The following DPP10 variants were observed in gnomAD, a reference collection of about 807,000 sequenced individuals.
DPP10 encodes dipeptidyl peptidase like 10.
Under a neutral mutation model 120.9 loss-of-function variants are expected in DPP10, and 33 were observed. The observed-to-expected ratio is 0.27, with a 90% CI of 0.21 to 0.37. The LOEUF (loss-of-function observed/expected upper bound fraction) is 0.37. DPP10 is among the 10% of genes least tolerant of loss of function. DPP10 has a pLI of 1.00. For synonymous variants in DPP10, 337 were observed against 326.1 expected, an observed-to-expected ratio of 1.03 and a Z score of -0.36; for missense variants, 816 against 942.8, an observed-to-expected ratio of 0.87 and a Z score of 1.76.
rs1573277835 is a variant in DPP10, at chr2:115,008,196, A to G, written c.61-301043A>G. Among the ~76,000 whole-genome samples the G allele has an allele frequency of 3.9e-5, 5 of 129,242 alleles. No homozygotes were observed. The East Asian group carries it at 9.2e-4, about 24-fold the overall frequency. 84.8% of individuals were successfully genotyped at this position (129,242 alleles called of 152,430 possible). A position where few individuals can be genotyped will look rare whatever the true frequency, so the allele number is the denominator to read the frequency against. Reference sequence around the variant, plus strand: ...CAAACTATACTACAAGGCTACAGTAACCAAAACAGCATGGTACTGGTACCA... The same window carrying G: ...CAAACTATACTACAAGGCTACAGTAGCCAAAACAGCATGGTACTGGTACCA... On this transcript the variant is annotated intron_variant, in intron 1 of 25. Coordinates refer to ENST00000410059, the MANE Select transcript of DPP10 (RefSeq NM_020868.6).
chr2:115,766,535 A>C (rs1391627285), intron 12 of DPP10, among the ~76,000 whole-genome samples: 1 of 151,906 alleles, frequency 6.6e-6, no homozygotes, highest in African/African-American at 2.4e-5. Context: ...CCAGTCTCAT[A>C]CATACATACA....
intron 5 of DPP10, among the ~76,000 whole-genome samples, chr2:115,549,238 A>C (rs1020859161): frequency 3.3e-5 from 5 of 152,154 alleles, no homozygotes; most frequent in African/African-American, 1.2e-4. Context: ...ATCAAAGTCT[A>C]TACGGTAGGC....
intron 1 of DPP10, among the ~76,000 whole-genome samples, chr2:114,538,353 A>G (rs954473643): frequency 1.3e-5 from 2 of 152,190 alleles, no homozygotes; most frequent in African/African-American, 4.8e-5. Context: ...TCAGAATGTT[A>G]GGTGGCAAGG....
chr2:114,451,084 C>A (rs1452006097), intron 1 of DPP10, among the ~76,000 whole-genome samples: 1 of 149,446 alleles, frequency 6.7e-6, no homozygotes, highest in African/African-American at 2.5e-5. Flanking sequence ...AAAGATCGGC[C>A]CTTTATTTGA....
intron 1 of DPP10, among the ~76,000 whole-genome samples, chr2:115,070,863 A>G (rs971126414): frequency 2.0e-5 from 3 of 152,176 alleles, no homozygotes; most frequent in African/African-American, 7.2e-5. Flanking sequence ...ATTTTCTCAA[A>G]TTTATTTATC....
chr2:115,623,354 G>A (rs894746331), intron 5 of DPP10, among the ~76,000 whole-genome samples: 1 of 152,182 alleles, frequency 6.6e-6, no homozygotes, highest in Admixed American at 6.5e-5. Context: ...GATGTTTAGT[G>A]AGCGATACAG....
At chr2:115,519,447 G>C (rs1253566111) in intron 4 of DPP10, among the ~76,000 whole-genome samples, 3 of 151,964 alleles carry the variant, frequency 2.0e-5, no homozygotes, top group Non-Finnish European at 2.9e-5. Context: ...CATCTATTAT[G>C]TTTACAAAAT....
At position 115,268,467 on chromosome 2, in the gene DPP10, C is replaced by G. The variant is rs575942231; in HGVS notation, c.61-40772C>G. Among the ~76,000 whole-genome samples the G allele has an allele frequency of 5.3e-5, 8 of 152,208 alleles. No individual in the cohort carries two copies. In the South Asian group the frequency reaches 1.7e-3, roughly 32 times the overall value. On this transcript the variant is annotated intron_variant, in intron 1 of 25. Coordinates refer to ENST00000410059, the MANE Select transcript of DPP10 (RefSeq NM_020868.6). ...GAGAAAGAAACCATCATGCGACTTC[C>G]TAAAATACGATGCATTATTTCTTTC...
At chr2:115,433,836 G>A (rs2071230900) in intron 3 of DPP10, among the ~76,000 whole-genome samples, 1 of 151,970 alleles carries the variant, frequency 6.6e-6, no homozygotes, top group African/African-American at 2.4e-5. Context: ...TATTCAATAA[G>A]ATTCATTCTT....
At chr2:114,869,262 T>C (rs1558826226) in intron 1 of DPP10, among the ~76,000 whole-genome samples, 1 of 152,184 alleles carries the variant, frequency 6.6e-6, no homozygotes, top group Admixed American at 6.5e-5. Context: ...TTTATGAGCA[T>C]ATACGATACT....
At chr2:115,794,008 A>G (rs1684269390) in intron 19 of DPP10, among the ~76,000 whole-genome samples, 1 of 152,170 alleles carries the variant, frequency 6.6e-6, no homozygotes, top group African/African-American at 2.4e-5. Flanking sequence ...CATGATTTAA[A>G]GCCATATTTT....
chr2:115,546,622 T>G (rs894603654), intron 5 of DPP10, among the ~76,000 whole-genome samples: 17 of 152,088 alleles, frequency 1.1e-4, no homozygotes, highest in African/African-American at 4.1e-4. Context: ...AATATAGGTG[T>G]TAGGGTAGGA....
rs1388652124 is a variant in DPP10 at position 115,251,000 on chromosome 2, A to G, written c.61-58239A>G. Among the ~76,000 whole-genome samples, 5 of 152,118 alleles carry G rather than the reference A, an allele frequency of 3.3e-5. No individual in the cohort carries two copies. The East Asian group carries it at 9.6e-4, about 29-fold the overall frequency. On this transcript the variant is annotated intron_variant, in intron 1 of 25. Transcript: ENST00000410059. ...AAAGTAAGAGTCAGATTTTTTGGAA[A>G]AGCATTTCATAGCTTTCGTCCCCGG...
intron 7 of DPP10, among the ~76,000 whole-genome samples, chr2:115,705,075 A>G (rs900086192): frequency 5.3e-5 from 8 of 151,952 alleles, no homozygotes; most frequent in African/African-American, 1.9e-4. Flanking sequence ...ATTACTAGGA[A>G]TTTATCTTAA....
intron 1 of DPP10, among the ~76,000 whole-genome samples, chr2:114,938,438 A>G (rs911857685): frequency 2.6e-5 from 4 of 152,146 alleles, no homozygotes; most frequent in Admixed American, 2.0e-4. Flanking sequence ...ATATAATAAA[A>G]CATACAACTC....
chr2:114,626,687 C>T (rs1558944557), intron 1 of DPP10, among the ~76,000 whole-genome samples: 1 of 152,044 alleles, frequency 6.6e-6, no homozygotes, highest in Non-Finnish European at 1.5e-5. Flanking sequence ...GAAAACACTT[C>T]AGAAACTGCT....
At chr2:114,929,275 G>A (rs191313556) in intron 1 of DPP10, among the ~76,000 whole-genome samples, 45 of 152,184 alleles carry the variant, frequency 3.0e-4, no homozygotes, top group Admixed American at 7.2e-4. Flanking sequence ...GTCCTGCTGC[G>A]CACGCATTAT....
chr2:115,663,078 C>T (rs185283981), intron 5 of DPP10, among the ~76,000 whole-genome samples: 79 of 151,964 alleles, frequency 5.2e-4, no homozygotes, highest in African/African-American at 1.5e-3. Flanking sequence ...TACAAGCATG[C>T]GGTGTGAAAT....
intron 1 of DPP10, among the ~76,000 whole-genome samples, chr2:114,647,225 C>A (rs1015790462): frequency 6.6e-6 from 1 of 152,156 alleles, no homozygotes; most frequent in Non-Finnish European, 1.5e-5. Context: ...TTCTATCTTC[C>A]CTTGTTATCA....
Sources: gnomAD v4.1 joint callset for allele counts (sites outside exome capture counted in the v4.1 genomes callset) on GRCh38, gnomAD v4.1.1 for gene constraint, MANE v1.5 for transcripts, NCBI Gene and HGNC (gene_info 2026-07-23, HGNC 2026-07-21) for gene names.